The following KCND3 variants were observed in gnomAD, a reference collection of about 807,000 sequenced individuals.
KCND3 encodes the protein potassium voltage-gated channel subfamily D member 3.
A neutral mutation model predicts 51.1 loss-of-function variants in KCND3; 9 were observed. The ratio of observed to expected loss-of-function variants is 0.18; its 90% CI spans 0.11 to 0.31. The LOEUF (loss-of-function observed/expected upper bound fraction) is 0.31, where lower values mean the gene tolerates loss of function less well. KCND3 is among the 10% of genes least tolerant of loss of function. KCND3 has a pLI of 1.00. For missense variants in KCND3, 526 were observed against 903.8 expected (o/e 0.58, Z 5.36); for synonymous variants, 349 against 368.0 (o/e 0.95, Z 0.59).
chr1:111,850,670 T>C (rs1287328334), intron 2 of KCND3, among the ~76,000 whole-genome samples: 1 of 152,186 alleles, frequency 6.6e-6, no homozygotes. Context: ...CACTGGCCAC[T>C]GGGGACCACT....
rs1664072169 is a variant in KCND3, at chr1:111,775,703, G to A, written c.*374C>T. On this transcript the variant is annotated 3_prime_UTR_variant, in exon 8 of 8. Transcript: ENST00000302127. ...CAACTTGGCCTCTTTGCTGCTCTTG[G>A]TCTTGTATTTTCCTCACTGGGGTCT... is the stretch of plus-strand genomic sequence containing the variant. The A allele has an allele frequency of 3.1e-6, 1 of 324,848 alleles. No individual in the cohort carries two copies. The highest frequency in any genetic ancestry group is 3.3e-5 in the South Asian group (1 of 30,056). The allele number at this position is 324,848 out of a possible 1,614,324, so 20.1% of individuals were successfully genotyped here.
At chr1:111,958,711 T>A (rs550850604) in intron 2 of KCND3, among the ~76,000 whole-genome samples, 1 of 152,306 alleles carries the variant, frequency 6.6e-6, no homozygotes, top group South Asian at 2.1e-4. Flanking sequence ...GCAGGCCCCC[T>A]CTGTCTGGCA....
At chr1:111,809,899 G>C (rs1363174481) in intron 2 of KCND3, among the ~76,000 whole-genome samples, 4 of 152,170 alleles carry the variant, frequency 2.6e-5, no homozygotes, top group Non-Finnish European at 4.4e-5. Context: ...TGCCCATCCT[G>C]CTCTAGAAGC....
intron 2 of KCND3, among the ~76,000 whole-genome samples, chr1:111,921,411 A>G (rs964723747): frequency 3.3e-5 from 5 of 152,314 alleles, no homozygotes; most frequent in African/African-American, 1.2e-4. Flanking sequence ...CAGAGAATAC[A>G]AGAGTCTTTT....
At chr1:111,987,112 C>T (rs914186378) in intron 1 of KCND3, among the ~76,000 whole-genome samples, 1 of 152,162 alleles carries the variant, frequency 6.6e-6, no homozygotes, top group African/African-American at 2.4e-5. Context: ...GTTCTGCCCC[C>T]TGAAAGGGTG....
At chr1:111,935,247 A>G (rs12142360) in intron 2 of KCND3, among the ~76,000 whole-genome samples, 14,049 of 152,240 alleles carry the variant, frequency 0.092, 666 homozygotes, top group African/African-American at 0.11. Flanking sequence ...TGTATACCTC[A>G]TCAACCAAAC....
intron 2 of KCND3, among the ~76,000 whole-genome samples, chr1:111,959,354 C>T (rs899685385): frequency 2.6e-5 from 4 of 152,166 alleles, no homozygotes; most frequent in African/African-American, 9.7e-5. Flanking sequence ...AGGCTATTCC[C>T]CAGTATTTAA....
chr1:111,905,526 C>A (rs755533974), intron 2 of KCND3, among the ~76,000 whole-genome samples: 1 of 152,078 alleles, frequency 6.6e-6, no homozygotes, highest in Non-Finnish European at 1.5e-5. Flanking sequence ...CTGGACCATG[C>A]GTCTGCAGCA....
In KCND3 at chr1:111,778,496, C is replaced by G. The variant is rs1664230187; in HGVS notation, c.1462-4G>C. 1.2e-6 allele frequency: 2 copies of G among 1,613,544 alleles called. No homozygotes were observed. Among genetic ancestry groups the G allele is most frequent in the Admixed American group, 1.7e-5 (1 of 60,002 alleles). On this transcript the variant is annotated splice_polypyrimidine_tract_variant and splice_region_variant and intron_variant, in intron 5 of 7. Transcript: ENST00000302127. ...CATCCACAAGATAGGACAACCCCTA[C>G]AGGACAACATGCCAACAGAAGATAA...
chr1:111,884,409 T>A (rs1025498428), intron 2 of KCND3, among the ~76,000 whole-genome samples: 1 of 152,248 alleles, frequency 6.6e-6, no homozygotes, highest in African/African-American at 2.4e-5. Flanking sequence ...CCCTTGTTAC[T>A]GACATTTCCC....
chr1:111,952,588 C>G (rs760144134), intron 2 of KCND3, among the ~76,000 whole-genome samples: 1 of 152,180 alleles, frequency 6.6e-6, no homozygotes, highest in African/African-American at 2.4e-5. Context: ...CCCTCACAAC[C>G]GAGGTAGCTG....
At chr1:111,796,786 G>T (rs184831018) in intron 2 of KCND3, among the ~76,000 whole-genome samples, 9 of 152,324 alleles carry the variant, frequency 5.9e-5, no homozygotes, top group African/African-American at 2.2e-4. Context: ...TTTCAAAGTG[G>T]CATGAACCTA....
chr1:111,808,150 C>T (rs1295533242), intron 2 of KCND3, among the ~76,000 whole-genome samples: 2 of 152,196 alleles, frequency 1.3e-5, no homozygotes, highest in Non-Finnish European at 2.9e-5. Context: ...CAGGAAAGTC[C>T]ATGCACCTTG....
intron 2 of KCND3, among the ~76,000 whole-genome samples, chr1:111,920,762 A>G (rs987397509): frequency 2.0e-5 from 3 of 152,104 alleles, no homozygotes; most frequent in East Asian, 3.9e-4. Context: ...TGTGTGCCCC[A>G]ACACTCCCAA....
chr1:111,822,135 T>C (rs1269933538), intron 2 of KCND3, among the ~76,000 whole-genome samples: 1 of 152,160 alleles, frequency 6.6e-6, no homozygotes, highest in Admixed American at 6.5e-5. Flanking sequence ...TAAAGATTTA[T>C]GTGATTTTCA....
At chr1:111,966,258 C>T (rs1422699392) in intron 2 of KCND3, among the ~76,000 whole-genome samples, 1 of 152,212 alleles carries the variant, frequency 6.6e-6, no homozygotes, top group Non-Finnish European at 1.5e-5. Context: ...CACACGGATG[C>T]TAACAGCAAT....
chr1:111,851,036 T>C (rs1414525285), intron 2 of KCND3, among the ~76,000 whole-genome samples: 3 of 152,188 alleles, frequency 2.0e-5, no homozygotes, highest in Non-Finnish European at 4.4e-5. Flanking sequence ...GTCCTTAGAA[T>C]CATTCCCACT....
intron 2 of KCND3, among the ~76,000 whole-genome samples, chr1:111,894,176 C>T (rs1305697126): frequency 2.6e-5 from 4 of 152,314 alleles, no homozygotes; most frequent in South Asian, 4.1e-4. Flanking sequence ...CTCAACTCCA[C>T]GTGCCTCTGC....
chr1:111,822,854 CA>C (rs890745234), intron 2 of KCND3, among the ~76,000 whole-genome samples: 24 of 152,236 alleles, frequency 1.6e-4, no homozygotes, highest in African/African-American at 5.3e-4. Flanking sequence ...AACAAACAAA[CA>C]AAAACAACCT....
Sources: gnomAD v4.1 joint callset for allele counts (sites outside exome capture counted in the v4.1 genomes callset) on GRCh38, gnomAD v4.1.1 for gene constraint, MANE v1.5 for transcripts, NCBI Gene and HGNC (gene_info 2026-07-23, HGNC 2026-07-21) for gene names.